PTPN14: variants seen among roughly 807,000 people sequenced by gnomAD.
PTPN14 encodes protein tyrosine phosphatase non-receptor type 14.
Under a neutral mutation model 126.8 loss-of-function variants are expected in PTPN14, and 53 were observed. That is an observed-to-expected ratio of 0.42 (90% CI 0.34 to 0.53). The LOEUF is 0.53. PTPN14 is among the 20% of genes least tolerant of loss of function. PTPN14 has a pLI of 0.08. For synonymous variants in PTPN14, 630 were observed against 599.3 expected, an observed-to-expected ratio of 1.05 and a Z score of -0.75; for missense variants, 1,257 against 1,552.9, an observed-to-expected ratio of 0.81 and a Z score of 3.20.
At chr1:214,519,161 TG>T (rs1459509902) in intron 1 of PTPN14, among the ~76,000 whole-genome samples, 1 of 151,976 alleles carries the variant, frequency 6.6e-6, no homozygotes, top group African/African-American at 2.4e-5. Flanking sequence ...CCCAGCTACT[TG>T]GGAGGCTGAG....
chr1:214,534,593 G>C (rs1258296540), intron 1 of PTPN14, among the ~76,000 whole-genome samples: 5 of 151,974 alleles, frequency 3.3e-5, no homozygotes, highest in Admixed American at 6.6e-5. Context: ...GGTGCCTGTG[G>C]TCCCAGCTAC....
chr1:214,509,894 A>G (rs1456441827), intron 1 of PTPN14, among the ~76,000 whole-genome samples: 1 of 152,226 alleles, frequency 6.6e-6, no homozygotes, highest in African/African-American at 2.4e-5. Flanking sequence ...AAGGACAGAA[A>G]ACCAAACACC....
intron 13 of PTPN14, among the ~76,000 whole-genome samples, chr1:214,379,681 C>T (rs1010691506): frequency 1.3e-5 from 2 of 152,252 alleles, no homozygotes; most frequent in Non-Finnish European, 2.9e-5. Context: ...TGATTGCCTC[C>T]TTTGGAGAGG....
intron 2 of PTPN14, among the ~76,000 whole-genome samples, chr1:214,458,050 G>GAGAT (rs1660423613): frequency 6.8e-6 from 1 of 146,652 alleles, no homozygotes; most frequent in South Asian, 2.1e-4. Flanking sequence ...GAGAGAGAGA[G>GAGAT]AGAGATAGAG....
At chr1:214,440,050 T>G (rs1660004733) in intron 3 of PTPN14, among the ~76,000 whole-genome samples, 1 of 152,158 alleles carries the variant, frequency 6.6e-6, no homozygotes, top group Non-Finnish European at 1.5e-5. Flanking sequence ...AGGGGAGGAT[T>G]GGCAAAGACT....
At chr1:214,434,557 A>T (rs1451650822) in intron 3 of PTPN14, among the ~76,000 whole-genome samples, 1 of 152,256 alleles carries the variant, frequency 6.6e-6, no homozygotes, top group Non-Finnish European at 1.5e-5. Flanking sequence ...AGAGATATTA[A>T]ATAGTAATTA....
At chr1:214,440,490 G>A (rs1660015724) in intron 3 of PTPN14, among the ~76,000 whole-genome samples, 1 of 152,206 alleles carries the variant, frequency 6.6e-6, no homozygotes, top group Admixed American at 6.5e-5. Context: ...TTGAGCCATG[G>A]CTCTGCAGTA....
At chr1:214,486,925 A>T (rs1332155132) in intron 1 of PTPN14, among the ~76,000 whole-genome samples, 1 of 148,534 alleles carries the variant, frequency 6.7e-6, no homozygotes, top group Non-Finnish European at 1.5e-5. Context: ...TGACCCCGTC[A>T]CCCAGATGCA....
intron 11 of PTPN14, among the ~76,000 whole-genome samples, chr1:214,389,513 A>T (rs945800569): frequency 1.3e-5 from 2 of 152,252 alleles, no homozygotes; most frequent in African/African-American, 2.4e-5. Flanking sequence ...AAGGAAGCCA[A>T]GAGACAGTGT....
intron 3 of PTPN14, among the ~76,000 whole-genome samples, chr1:214,451,218 T>A (rs1660266621): frequency 6.6e-6 from 1 of 152,082 alleles, no homozygotes; most frequent in Non-Finnish European, 1.5e-5. Flanking sequence ...TGGAGTACAG[T>A]GGCATGATCA....
intron 1 of PTPN14, among the ~76,000 whole-genome samples, chr1:214,542,899 T>C (rs910292164): frequency 1.3e-5 from 2 of 152,212 alleles, no homozygotes; most frequent in Non-Finnish European, 2.9e-5. Context: ...TTCACTTTCA[T>C]GACCATGAAA....
rs550685035 is a variant in PTPN14, at chr1:214,465,762, G to C, written c.-154-805C>G. 2.0e-5 allele frequency among the ~76,000 whole-genome samples: 3 copies of C among 152,054 alleles called. No homozygotes were observed. In the South Asian group the frequency reaches 6.2e-4, roughly 32 times the overall value. ...GGTGTCTATTTTACAGATGAAAAAAGTAAGGTTTAATGACTTAAGTGCCTC... is the reference window on the plus strand; with the variant it reads ...GGTGTCTATTTTACAGATGAAAAAACTAAGGTTTAATGACTTAAGTGCCTC... On this transcript the variant is annotated intron_variant, in intron 1 of 18. Transcript: ENST00000366956.
chr1:214,533,534 T>TAA lies in PTPN14; in HGVS notation c.-155+17647_-155+17648dup, dbSNP rs566782675. 5.3e-3 allele frequency: 1,119 copies of TAA among 209,622 alleles called. 2 individuals are homozygous for TAA. Among genetic ancestry groups the TAA allele is most frequent in the East Asian group, 9.8e-3 (69 of 7,054 alleles). 13.0% of individuals were successfully genotyped at this position (209,622 alleles called of 1,614,324 possible). ...CCAATAAAAAGTTCAGCGGTTTAAA[T>TAA]AAAAAAAAAAAAAAAGGCTGGGTGC... is the stretch of plus-strand genomic sequence containing the variant. On this transcript the variant is annotated intron_variant, in intron 1 of 18. Transcript: ENST00000366956.
chr1:214,517,024 C>A (rs1425956122), intron 1 of PTPN14, among the ~76,000 whole-genome samples: 1 of 152,152 alleles, frequency 6.6e-6, no homozygotes, highest in Admixed American at 6.5e-5. Flanking sequence ...CATCTTCCCA[C>A]CAAATATGTC....
At chr1:214,421,971 C>T (rs771111162) in intron 3 of PTPN14, among the ~76,000 whole-genome samples, 5 of 152,188 alleles carry the variant, frequency 3.3e-5, no homozygotes, top group Admixed American at 6.5e-5. Context: ...CTGGCACCAG[C>T]GCCTCCCCAA....
At chr1:214,546,101 G>A (rs1020338047) in intron 1 of PTPN14, among the ~76,000 whole-genome samples, 8 of 152,182 alleles carry the variant, frequency 5.3e-5, no homozygotes, top group African/African-American at 1.9e-4. Context: ...CAAGCCTGAG[G>A]AACAGGGGTG....
At chr1:214,362,982 C>T (rs1283589193) in intron 18 of PTPN14, among the ~76,000 whole-genome samples, 1 of 152,228 alleles carries the variant, frequency 6.6e-6, no homozygotes, top group African/African-American at 2.4e-5. Context: ...CTTATTTTGT[C>T]TTCCTAGCAA....
At chr1:214,365,181 T>G (rs191928675) in intron 17 of PTPN14, among the ~76,000 whole-genome samples, 1 of 152,292 alleles carries the variant, frequency 6.6e-6, no homozygotes, top group East Asian at 1.9e-4. Context: ...CTTGACTTCA[T>G]TTTTGGGTTT....
chr1:214,380,623 T>C (rs1020085742), intron 13 of PTPN14, among the ~76,000 whole-genome samples: 3 of 152,184 alleles, frequency 2.0e-5, no homozygotes, highest in African/African-American at 7.2e-5. Context: ...ATTCTCACCA[T>C]ACCTGCACAC....
Sources: gnomAD v4.1 joint callset for allele counts (sites outside exome capture counted in the v4.1 genomes callset) on GRCh38, gnomAD v4.1.1 for gene constraint, MANE v1.5 for transcripts, NCBI Gene and HGNC (gene_info 2026-07-23, HGNC 2026-07-21) for gene names.